ERCC4: variants seen among roughly 807,000 people sequenced by gnomAD.
ERCC4 encodes DNA repair endonuclease XPF.
A neutral mutation model predicts 76.9 loss-of-function variants in ERCC4; 65 were observed. That is an observed-to-expected ratio of 0.84 (90% CI 0.69 to 1.04). The LOEUF (loss-of-function observed/expected upper bound fraction) is 1.04, where lower values mean the gene tolerates loss of function less well. Among genes scored for constraint, ERCC4 ranks in the 50% least tolerant of loss-of-function variants. The probability of loss-of-function intolerance (pLI) is 0.00; values close to 1 mark genes in which losing one functional copy is unlikely to be tolerated. For missense variants in ERCC4, 1,214 were observed against 1,128.2 expected, an observed-to-expected ratio of 1.08 and a Z score of -1.09; for synonymous variants, 463 against 410.1, an observed-to-expected ratio of 1.13 and a Z score of -1.56.
chr16:13,931,892 C>A, intron 5 of ERCC4: 1 of 421,898 alleles, frequency 2.4e-6, no homozygotes, highest in East Asian at 3.6e-5. Context: ...TGAAAAAAGT[C>A]AAATAATGTC....
At chr16:13,944,693 C>T in intron 9 of ERCC4, 30 bp from the exon 10 acceptor site, 1 of 1,426,648 alleles carries the variant, frequency 7.0e-7, no homozygotes, top group South Asian at 1.1e-5. Flanking sequence ...AAATTTGTTT[C>T]AGAAGTGTTG....
intron 10 of ERCC4, among the ~76,000 whole-genome samples, chr16:13,945,879 A>G (rs2032503663): frequency 1.3e-5 from 2 of 152,228 alleles, no homozygotes. Context: ...CCTTCATATT[A>G]GTTGCCTATG....
In ERCC4 at chr16:13,920,171, G is replaced by A. The variant is rs749985757; in HGVS notation, c.6G>A (p.Glu2=). Residue 2 remains glutamate, a synonymous_variant, in exon 1 of 11, where the codon GAG becomes GAA. Transcript: ENST00000311895. M[E]SGQPARRIAM... is the part of the protein sequence containing the mutation. Reference sequence around the variant, plus strand: ...TGCGACCCGGAAGAGCTTCCATGGAGTCAGGGCAGCCGGCTCGACGGATTG... The same window carrying A: ...TGCGACCCGGAAGAGCTTCCATGGAATCAGGGCAGCCGGCTCGACGGATTG... 7 of 1,605,134 alleles carry A rather than the reference G, an allele frequency of 4.4e-6. No homozygotes were observed. In the South Asian group the frequency reaches 4.4e-5, roughly 10 times the overall value.
intron 4 of ERCC4, among the ~76,000 whole-genome samples, chr16:13,929,331 G>A (rs3136100): frequency 0.028 from 4,309 of 152,240 alleles, 200 homozygotes; most frequent in African/African-American, 0.098. Flanking sequence ...ATATATCCCA[G>A]TTTGTTCAGG....
Position 13,922,076 on chromosome 16 carries a change from C to T in ERCC4, c.253C>T (p.Pro85Ser), listed in dbSNP as rs748380872. Residue 85 changes from proline (P) to serine (S), a missense_variant, in exon 2 of 11, where the codon CCT becomes TCT. By Grantham distance (74) the Pro-to-Ser change is moderately conservative. Transcript: ENST00000311895. ...QLKIEGVEHL[P>S]RRVTNEITSN... ...GAAGATAGAAGGAGTTGAACACCTC[C>T]CTCGCCGTGTAACAAATGAAATCAC... is the stretch of plus-strand genomic sequence containing the variant. The T allele has an allele frequency of 6.2e-7, 1 of 1,613,840 alleles. No homozygotes were observed. Among genetic ancestry groups the T allele is most frequent in the Non-Finnish European group, 8.5e-7 (1 of 1,179,810 alleles).
At chr16:13,936,278 TAGTG>T (rs781151563) in intron 8 of ERCC4, among the ~76,000 whole-genome samples, 1 of 152,200 alleles carries the variant, frequency 6.6e-6, no homozygotes, top group Non-Finnish European at 1.5e-5. Flanking sequence ...CCAAAGAAGA[TAGTG>T]TTCTGGCTTT....
intron 6 of ERCC4, chr16:13,933,939 C>G (rs2032232698): frequency 2.5e-6 from 1 of 402,224 alleles, no homozygotes; most frequent in Non-Finnish European, 4.5e-6. Context: ...ACAGAATGGT[C>G]TCTCATTAGT....
intron 10 of ERCC4, among the ~76,000 whole-genome samples, chr16:13,945,551 G>T (rs1326114948): frequency 1.3e-5 from 2 of 152,158 alleles, no homozygotes; most frequent in Non-Finnish European, 2.9e-5. Context: ...TGAAGCAGTG[G>T]GTGTCAGAAT....
chr16:13,926,600 G>A lies in ERCC4; in HGVS notation c.428G>A (p.Cys143Tyr), dbSNP rs765509563. ...AGAGCCCACAGAATAATCGAGTCTT[G>A]TCAAGAAGCATTCATCTTGCGCCTC... ...VYRAHRIIES[C>Y]QEAFILRLFR... The change falls in exon 3 of 11, where the codon TGT becomes TAT. Residue 143 changes from cysteine (C) to tyrosine (Y), a missense_variant. Cys to Tyr is a radical substitution (Grantham distance 194). Coordinates refer to ENST00000311895, the MANE Select transcript of ERCC4 (RefSeq NM_005236.3). 1 of 1,614,110 alleles carries A rather than the reference G, an allele frequency of 6.2e-7. No individual in the cohort carries two copies. Among genetic ancestry groups the A allele is most frequent in the Non-Finnish European group, 8.5e-7 (1 of 1,180,028 alleles).
At chr16:13,926,194 G>T (rs893601446) in intron 2 of ERCC4, among the ~76,000 whole-genome samples, 2 of 151,930 alleles carry the variant, frequency 1.3e-5, no homozygotes, top group African/African-American at 4.8e-5. Context: ...CCACCCCAGG[G>T]CCTGTGCCCT....
intron 9 of ERCC4, among the ~76,000 whole-genome samples, chr16:13,942,495 G>A (rs1596632593): frequency 6.6e-6 from 1 of 152,238 alleles, no homozygotes; most frequent in African/African-American, 2.4e-5. Flanking sequence ...GAAAAGTACA[G>A]TAATAATAAC....
chr16:13,937,853 C>G lies in ERCC4; in HGVS notation c.1899C>G (p.Leu633=), dbSNP rs954215121. Residue 633 remains leucine, a synonymous_variant, in exon 9 of 11, where the codon CTC becomes CTG. Transcript: ENST00000311895. ...LRKEKEAFEK[L]IREKASMVVP... ...AAGAAAAGGAAGCTTTTGAAAAACT[C>G]ATAAGGTAATACATAGAAAATCAGT... 12 of 1,604,168 alleles carry G rather than the reference C, an allele frequency of 7.5e-6. No homozygotes were observed. The East Asian group carries it at 2.5e-4, about 33-fold the overall frequency.
rs769983967 is a variant in ERCC4, at chr16:13,928,010, A to C, written c.585-18A>C. The C allele has an allele frequency of 3.1e-6, 5 of 1,596,220 alleles. No homozygotes were observed. In the East Asian group the frequency reaches 8.9e-5, roughly 29 times the overall value. On this transcript the variant is annotated intron_variant, in intron 3 of 10. Coordinates refer to ENST00000311895, the MANE Select transcript of ERCC4 (RefSeq NM_005236.3). The stretch of plus-strand genomic sequence containing the variant: ...GCTGAAACTCTAGAAAATTGTTGAA[A>C]AATATTTGTCTCTTTAGGTTCCATG...
chr16:13,921,969 TG>T (rs1412087534), intron 1 of ERCC4, 61 bp from the exon 2 acceptor site: 7 of 969,228 alleles, frequency 7.2e-6, no homozygotes, highest in Non-Finnish European at 1.2e-5. Context: ...TTTAAATATC[TG>T]TGACCTATTA....
chr16:13,934,898 AC>A (rs1214601507), intron 7 of ERCC4: 8 of 425,774 alleles, frequency 1.9e-5, no homozygotes, highest in Non-Finnish European at 3.4e-5. Context: ...CCCCAATTAC[AC>A]CACAGTTGTA....
At chr16:13,923,876 G>A (rs1009295434) in intron 2 of ERCC4, among the ~76,000 whole-genome samples, 2 of 151,886 alleles carry the variant, frequency 1.3e-5, no homozygotes, top group African/African-American at 4.8e-5. Context: ...AAATTTTTTT[G>A]TTGTGTTTAA....
In ERCC4 at chr16:13,935,405, G is replaced by A. The variant is rs2141607374; in HGVS notation, c.1473G>A (p.Lys491=). 1 of 1,611,426 alleles carries A rather than the reference G, an allele frequency of 6.2e-7. No individual in the cohort carries two copies. Among genetic ancestry groups the A allele is most frequent in the Non-Finnish European group, 8.5e-7 (1 of 1,179,366 alleles). ...KERTLKKKKR[K]LTLTQMVGKP... is the part of the protein sequence containing the mutation. Reference sequence around the variant, plus strand: ...GAACCCTCAAAAAGAAAAAACGGAAGTTGACCTTAACTCAAATGGTAGGAA... The same window carrying A: ...GAACCCTCAAAAAGAAAAAACGGAAATTGACCTTAACTCAAATGGTAGGAA... The change falls in exon 8 of 11, where the codon AAG becomes AAA. Residue 491 remains lysine, a synonymous_variant. Transcript: ENST00000311895.
Position 13,926,217 on chromosome 16 carries a change from A to G in ERCC4, c.389-344A>G, listed in dbSNP as rs554873911. The stretch of plus-strand genomic sequence containing the variant: ...GGGCCTGTGCCCTCACTGTCCCCTC[A>G]GCCTGGCAGCCTGGAACTCTCTTGG... On this transcript the variant is annotated intron_variant, in intron 2 of 10. Transcript: ENST00000311895. Among the ~76,000 whole-genome samples, 48 of 152,242 alleles carry G rather than the reference A, an allele frequency of 3.2e-4. 2 individuals carry two copies. In the South Asian group the frequency reaches 9.5e-3, roughly 30 times the overall value.
intron 10 of ERCC4, among the ~76,000 whole-genome samples, chr16:13,947,253 A>G (rs3136222): frequency 1.6e-4 from 25 of 152,180 alleles, no homozygotes; most frequent in Non-Finnish European, 3.4e-4. Flanking sequence ...TGGGGCCGCT[A>G]TTTTAAGCCT....
Sources: gnomAD v4.1 joint callset for allele counts (sites outside exome capture counted in the v4.1 genomes callset) on GRCh38, gnomAD v4.1.1 for gene constraint, MANE v1.5 for transcripts, NCBI Gene and HGNC (gene_info 2026-07-23, HGNC 2026-07-21) for gene names.